DGAT1: variants seen among roughly 807,000 people sequenced by gnomAD.
The protein encoded by DGAT1 is ACAT related gene product 1.
In DGAT1, 60 loss-of-function variants were observed where a neutral mutation model predicts 72.6. The observed-to-expected ratio is 0.83, with a 90% CI of 0.67 to 1.02. The LOEUF is 1.02. Among genes scored for constraint, DGAT1 ranks in the 50% least tolerant of loss-of-function variants. The pLI is 0.00. For synonymous variants in DGAT1, 290 were observed against 267.5 expected (o/e 1.08, Z -0.82); for missense variants, 592 against 670.0 (o/e 0.88, Z 1.29).
At chr8:144,319,880 G>A (rs1013328099) in intron 2 of DGAT1, among the ~76,000 whole-genome samples, 8 of 152,220 alleles carry the variant, frequency 5.3e-5, no homozygotes, top group African/African-American at 1.2e-4. Context: ...GGCCTCATGC[G>A]GTAGTGAACT....
intron 14 of DGAT1, 21 bp downstream of exon 14, chr8:144,317,162 TCACA>T: frequency 1.3e-6 from 2 of 1,599,622 alleles, no homozygotes; most frequent in Non-Finnish European, 1.7e-6. Context: ...ATGTTCCACA[TCACA>T]CACACACACA....
chr8:144,317,801 C>A lies in DGAT1; in HGVS notation c.877G>T (p.Val293Leu). 1.2e-6 allele frequency: 2 copies of A among 1,612,644 alleles called. No individual in the cohort carries two copies. Among genetic ancestry groups the A allele is most frequent in the South Asian group, 1.1e-5 (1 of 90,944 alleles). The change falls in exon 10 of 17, where the codon GTG (valine) becomes TTG (leucine). Residue 293 changes from valine (V) to leucine (L), a missense_variant. Coordinates refer to ENST00000528718, the MANE Select transcript of DGAT1 (RefSeq NM_012079.6). ...LEMLFFTQLQVGLIQQWMVPT... is the reference protein window; with the variant it reads ...LEMLFFTQLQLGLIQQWMVPT... Reference sequence around the variant, plus strand: ...CCACTTACCTGCTGGATCAGCCCCACCTGGAGCTGGGTGAAGAACAGCTGG... The same window carrying A: ...CCACTTACCTGCTGGATCAGCCCCAACTGGAGCTGGGTGAAGAACAGCTGG...
chr8:144,316,342 G>A lies in DGAT1; in HGVS notation c.*212C>T. On this transcript the variant is annotated 3_prime_UTR_variant, in exon 17 of 17. Transcript: ENST00000528718. Reference sequence around the variant, plus strand: ...CTCGGACCCGGGGCAGGGTCAGCAAGACTCCCAGCTGGCATCAGACTGTGT... The same window carrying A: ...CTCGGACCCGGGGCAGGGTCAGCAAAACTCCCAGCTGGCATCAGACTGTGT... 4.7e-6 allele frequency: 3 copies of A among 640,564 alleles called. No individual in the cohort carries two copies. Among genetic ancestry groups the A allele is most frequent in the Non-Finnish European group, 7.8e-6 (3 of 384,430 alleles). The allele number at this position is 640,564 out of a possible 1,614,324, so 39.7% of individuals were successfully genotyped here. A position where few individuals can be genotyped will look rare whatever the true frequency, so the allele number is the denominator to read the frequency against.
chr8:144,326,333 T>C, intron 1 of DGAT1, 104 bp downstream of exon 1: 1 of 1,092,648 alleles, frequency 9.2e-7, no homozygotes, highest in Non-Finnish European at 1.2e-6. Flanking sequence ...GATCCCCGCT[T>C]AGCCCAGGGC....
intron 2 of DGAT1, among the ~76,000 whole-genome samples, chr8:144,320,160 AAGC>A (rs1277988741): frequency 1.6e-4 from 25 of 152,214 alleles, no homozygotes; most frequent in Non-Finnish European, 3.5e-4. Flanking sequence ...GGAATGCAAC[AAGC>A]AGCCCAGAGC....
Position 144,315,517 on chromosome 8 carries a change from G to GTCTT in DGAT1, c.*1033_*1036dup. 2.0e-6 allele frequency: 2 copies of GTCTT among 985,578 alleles called. No homozygotes were observed. Among genetic ancestry groups the GTCTT allele is most frequent in the Non-Finnish European group, 2.4e-6 (2 of 830,058 alleles). 61.1% of individuals were successfully genotyped at this position (985,578 alleles called of 1,614,324 possible). ...CACCAGGGCCTGGTCCAGTCTTGGG[G>GTCTT]TCTTTAATCAAGCAGTCACCCCAGC... On this transcript the variant is annotated 3_prime_UTR_variant, in exon 17 of 17. Transcript: ENST00000528718.
chr8:144,325,726 T>G (rs1554848705), intron 1 of DGAT1, among the ~76,000 whole-genome samples: 2 of 152,104 alleles, frequency 1.3e-5, no homozygotes, highest in Admixed American at 1.3e-4. Flanking sequence ...CGCCTGCAGG[T>G]GTGTCCACCA....
In DGAT1 at chr8:144,318,460, C is replaced by A. The variant is rs1554847618; in HGVS notation, c.574+1G>T. The stretch of plus-strand genomic sequence containing the variant: ...ATGGGCAGGGTGGGATGGGGGCGCA[C>A]CTGGAGTGATAGACTCAACCAGTAA... On this transcript the variant is annotated splice_donor_variant, in intron 6 of 16. Transcript: ENST00000528718. LOFTEE classifies it high-confidence loss of function. The A allele has an allele frequency of 6.2e-7, 1 of 1,610,704 alleles. No individual in the cohort carries two copies. Among genetic ancestry groups the A allele is most frequent in the African/African-American group, 1.3e-5 (1 of 74,892 alleles).
rs529529542 is a variant in DGAT1, at chr8:144,315,834, A to C, written c.*720T>G. The C allele has an allele frequency of 2.6e-5, 26 of 983,956 alleles. No homozygotes were observed. The Admixed American group carries it at 3.7e-4, about 14-fold the overall frequency. 61.0% of individuals were successfully genotyped at this position (983,956 alleles called of 1,614,324 possible). A position where few individuals can be genotyped will look rare whatever the true frequency, so the allele number is the denominator to read the frequency against. ...GGCTGCCAAACCGAGCCCTGCCCCA[A>C]GGCGAATAGCCATGGACATAGCCAT... On this transcript the variant is annotated 3_prime_UTR_variant, in exon 17 of 17. Transcript: ENST00000528718.
Position 144,314,585 on chromosome 8 carries a change from T to G in DGAT1, c.*1969A>C, listed in dbSNP as rs782095546. The G allele has an allele frequency of 9.1e-6, 5 of 550,708 alleles. No individual in the cohort carries two copies. The highest frequency in any genetic ancestry group is 1.6e-5 in the Non-Finnish European group (5 of 307,376). 34.1% of individuals were successfully genotyped at this position (550,708 alleles called of 1,614,324 possible). ...CCACACCTGGACTGACCCTGCAGGT[T>G]GTTCATAGTCAGAATTGTATTTTGG... On this transcript the variant is annotated 3_prime_UTR_variant, in exon 17 of 17. Coordinates refer to ENST00000528718, the MANE Select transcript of DGAT1 (RefSeq NM_012079.6).
intron 1 of DGAT1, among the ~76,000 whole-genome samples, chr8:144,322,383 G>A (rs1817482674): frequency 1.3e-5 from 2 of 152,318 alleles, no homozygotes; most frequent in East Asian, 1.9e-4. Context: ...AAGAGGAGAG[G>A]CCAGAGCCTC....
intron 1 of DGAT1, among the ~76,000 whole-genome samples, chr8:144,322,257 C>T (rs3757972): frequency 0.3 from 45,818 of 152,190 alleles, 7,774 homozygotes; most frequent in East Asian, 0.5. Context: ...GCCAGGCCCC[C>T]ACACGTCCTA....
chr8:144,321,610 G>A (rs1817461369), intron 1 of DGAT1, among the ~76,000 whole-genome samples: 1 of 152,214 alleles, frequency 6.6e-6, no homozygotes, highest in Non-Finnish European at 1.5e-5. Context: ...CCCAGAGCCT[G>A]CACCTCCAGG....
intron 2 of DGAT1, among the ~76,000 whole-genome samples, chr8:144,320,723 C>T (rs1554848024): frequency 6.6e-6 from 1 of 152,110 alleles, no homozygotes; most frequent in Non-Finnish European, 1.5e-5. Flanking sequence ...AGGCCTTGGA[C>T]GTGGCACAGG....
Position 144,316,399 on chromosome 8 carries a change from A to G in DGAT1, c.*155T>C. On this transcript the variant is annotated 3_prime_UTR_variant, in exon 17 of 17. Transcript: ENST00000528718. Reference sequence around the variant, plus strand: ...TGCTGTCGCCATCCCTGAGGGGTGCAGGACAGAGCCCCATAGGGGCAGAGA... The same window carrying G: ...TGCTGTCGCCATCCCTGAGGGGTGCGGGACAGAGCCCCATAGGGGCAGAGA... 1.1e-6 allele frequency: 1 copy of G among 951,172 alleles called. No homozygotes were observed. The highest frequency in any genetic ancestry group is 1.7e-5 in the South Asian group (1 of 57,510). 58.9% of individuals were successfully genotyped at this position (951,172 alleles called of 1,614,324 possible).
Position 144,318,128 on chromosome 8 carries a change from T to G in DGAT1, c.718A>C (p.Thr240Pro), listed in dbSNP as rs1817310896. 1.2e-5 allele frequency: 19 copies of G among 1,548,854 alleles called. No individual in the cohort carries two copies. Among genetic ancestry groups the G allele is most frequent in the Non-Finnish European group, 1.5e-5 (17 of 1,147,464 alleles). The part of the protein sequence containing the change: ...KKASSAAAPH[T>P]VSYPDNLTYR... Reference sequence around the variant, plus strand: ...GTCAGATTGTCCGGGTAGCTCACGGTGTGCGGGGCAGCAGCACTGCTGGCC... The same window carrying G: ...GTCAGATTGTCCGGGTAGCTCACGGGGTGCGGGGCAGCAGCACTGCTGGCC... Residue 240 changes from threonine to proline, a missense_variant, in exon 8 of 17, where the codon ACC becomes CCC. By Grantham distance (38) the Thr-to-Pro change is conservative. Transcript: ENST00000528718.
intron 4 of DGAT1, 42 bp from the exon 5 acceptor site, chr8:144,318,793 A>T: frequency 6.2e-7 from 1 of 1,607,508 alleles, no homozygotes; most frequent in Admixed American, 1.7e-5. Context: ...GGGCCACGTC[A>T]GCCTGATCCC....
In DGAT1 at chr8:144,317,331, A is replaced by G. The variant is rs1554847269; in HGVS notation, c.1094+2T>C. On this transcript the variant is annotated splice_donor_variant, in intron 13 of 16. Transcript: ENST00000528718. LOFTEE classifies it high-confidence loss of function. ...CCCCAGGGACACCCCAGGGACACTCACCACCAGTCCCGGTAGAACTCCCGG... is the reference window on the plus strand; with the variant it reads ...CCCCAGGGACACCCCAGGGACACTCGCCACCAGTCCCGGTAGAACTCCCGG... The G allele has an allele frequency of 3.1e-6, 5 of 1,613,612 alleles. No individual in the cohort carries two copies. The South Asian group carries it at 3.3e-5, about 11-fold the overall frequency.
chr8:144,324,467 G>A (rs569896140), intron 1 of DGAT1, among the ~76,000 whole-genome samples: 95 of 152,260 alleles, frequency 6.2e-4, no homozygotes, highest in Admixed American at 2.0e-3. Flanking sequence ...TAGGTCTGAG[G>A]GACAAGCACA....
Sources: gnomAD v4.1 joint callset for allele counts (sites outside exome capture counted in the v4.1 genomes callset) on GRCh38, gnomAD v4.1.1 for gene constraint, MANE v1.5 for transcripts, NCBI Gene and HGNC (gene_info 2026-07-23, HGNC 2026-07-21) for gene names.